RGS7BP: variants seen among roughly 807,000 people sequenced by gnomAD.
RGS7BP encodes regulator of G protein signaling 7 binding protein, also known as regulator of G protein signaling 7-binding protein.
Under a neutral mutation model 31.3 loss-of-function variants are expected in RGS7BP, and 9 were observed. That is an observed-to-expected ratio of 0.29 (90% confidence interval 0.17 to 0.50). RGS7BP has a LOEUF of 0.50. RGS7BP is among the 20% of genes least tolerant of loss of function. RGS7BP has a pLI of 0.98. For missense variants in RGS7BP, 274 were observed against 322.0 expected, an observed-to-expected ratio of 0.85 and a Z score of 1.14; for synonymous variants, 115 against 120.1, an observed-to-expected ratio of 0.96 and a Z score of 0.28.
intron 1 of RGS7BP, among the ~76,000 whole-genome samples, chr5:64,507,492 T>G (rs1343554567): frequency 6.6e-6 from 1 of 152,104 alleles, no homozygotes; most frequent in Non-Finnish European, 1.5e-5. Flanking sequence ...GAAATAGAGC[T>G]TCCATGGCCA....
chr5:64,554,508 G>A (rs935673464), intron 2 of RGS7BP, among the ~76,000 whole-genome samples: 3 of 152,152 alleles, frequency 2.0e-5, no homozygotes, highest in Non-Finnish European at 4.4e-5. Flanking sequence ...AAGAGGTAGG[G>A]AAAATGTACC....
intron 2 of RGS7BP, among the ~76,000 whole-genome samples, chr5:64,511,788 T>C (rs776163440): frequency 3.3e-5 from 5 of 152,220 alleles, no homozygotes; most frequent in Admixed American, 1.3e-4. Context: ...TCATCTTTTA[T>C]GACCTTGATG....
chr5:64,524,034 C>T (rs1045880730), intron 2 of RGS7BP, among the ~76,000 whole-genome samples: 3 of 152,036 alleles, frequency 2.0e-5, no homozygotes, highest in Non-Finnish European at 4.4e-5. Context: ...TAAGTGAGAC[C>T]CTAAGGGGAA....
At chr5:64,568,945 C>T (rs948078720) in intron 2 of RGS7BP, among the ~76,000 whole-genome samples, 3 of 151,664 alleles carry the variant, frequency 2.0e-5, no homozygotes, top group Non-Finnish European at 4.4e-5. Context: ...AAGCAAGGGA[C>T]GCAAGGGACA....
chr5:64,598,328 T>A, intron 4 of RGS7BP, 37 bp from the exon 5 acceptor site: 1 of 1,200,356 alleles, frequency 8.3e-7, no homozygotes, highest in African/African-American at 1.5e-5. Flanking sequence ...TTTGAAAATT[T>A]ACAGCTGATT....
At chr5:64,513,877 G>A (rs1748904389) in intron 2 of RGS7BP, among the ~76,000 whole-genome samples, 2 of 152,208 alleles carry the variant, frequency 1.3e-5, no homozygotes, top group Admixed American at 6.5e-5. Context: ...TAAAGATAAC[G>A]ATGGAAGAAC....
intron 5 of RGS7BP, among the ~76,000 whole-genome samples, chr5:64,603,039 A>G (rs1194260195): frequency 2.0e-5 from 3 of 152,182 alleles, no homozygotes; most frequent in African/African-American, 4.8e-5. Context: ...CTCTAGACAA[A>G]AGGCTTAAGA....
chr5:64,545,884 C>G lies in RGS7BP; in HGVS notation c.333-29890C>G, dbSNP rs115366476. On this transcript the variant is annotated intron_variant, in intron 2 of 5. Coordinates refer to ENST00000334025, the MANE Select transcript of RGS7BP (RefSeq NM_001029875.3). The stretch of plus-strand genomic sequence containing the variant: ...CTAATAGGCTGCTAGATAAATGGAT[C>G]TGGACCTTGGTAAAGTGCTCTGGGC... Among the ~76,000 whole-genome samples, 1,116 of 152,250 alleles carry G rather than the reference C, an allele frequency of 7.3e-3. 21 individuals are homozygous for G. Among genetic ancestry groups the G allele is most frequent in the African/African-American group, 0.026 (1,069 of 41,538 alleles).
rs551514946 is a variant in RGS7BP at position 64,515,839 on chromosome 5, T to C, written c.332+7962T>C. ...CTGATTTAGCAAATAATAATAATTA[T>C]TATTATTATTTATTTTTAGAGATGA... On this transcript the variant is annotated intron_variant, in intron 2 of 5. Transcript: ENST00000334025. Among the ~76,000 whole-genome samples the C allele has an allele frequency of 2.7e-5, 4 of 150,842 alleles. No homozygotes were observed. The East Asian group carries it at 7.8e-4, about 29-fold the overall frequency.
At chr5:64,545,232 G>A (rs1037978161) in intron 2 of RGS7BP, among the ~76,000 whole-genome samples, 1 of 151,864 alleles carries the variant, frequency 6.6e-6, no homozygotes, top group Non-Finnish European at 1.5e-5. Context: ...CATGGACACA[G>A]GAAGGGGAAC....
At chr5:64,582,681 A>G (rs1480245478) in intron 3 of RGS7BP, among the ~76,000 whole-genome samples, 1 of 152,248 alleles carries the variant, frequency 6.6e-6, no homozygotes, top group Non-Finnish European at 1.5e-5. Flanking sequence ...TTAAAAGTTG[A>G]AAAATCTTAA....
chr5:64,590,236 G>A (rs1742875721), intron 3 of RGS7BP, among the ~76,000 whole-genome samples: 1 of 147,900 alleles, frequency 6.8e-6, no homozygotes, highest in South Asian at 2.2e-4. Context: ...CACCAAGAGG[G>A]AGAGAGAGAG....
At chr5:64,565,527 AG>A (rs1742148727) in intron 2 of RGS7BP, among the ~76,000 whole-genome samples, 1 of 152,108 alleles carries the variant, frequency 6.6e-6, no homozygotes, top group Non-Finnish European at 1.5e-5. Context: ...AAAAAAAAGA[AG>A]GCTTCAGGAA....
At chr5:64,547,775 T>C (rs1004752005) in intron 2 of RGS7BP, among the ~76,000 whole-genome samples, 1 of 152,236 alleles carries the variant, frequency 6.6e-6, no homozygotes, top group East Asian at 1.9e-4. Flanking sequence ...TCTATTCCAA[T>C]TTACATTTTG....
chr5:64,506,720 T>A lies in RGS7BP; in HGVS notation c.96T>A (p.Asp32Glu), dbSNP rs758176246. 18 of 1,609,640 alleles carry A rather than the reference T, an allele frequency of 1.1e-5. No individual in the cohort carries two copies. The highest frequency in any genetic ancestry group is 1.4e-5 in the Non-Finnish European group (17 of 1,176,530). Reference sequence around the variant, plus strand: ...GCAAGCCCCCGCTGCAGAGCGGAGATTGGGAGCGCAGGGGCAGCGGCTCCG... The same window carrying A: ...GCAAGCCCCCGCTGCAGAGCGGAGAATGGGAGCGCAGGGGCAGCGGCTCCG... Reference protein sequence around the residue: ...QISKPPLQSGDWERRGSGSES... With the variant: ...QISKPPLQSGEWERRGSGSES... The change falls in exon 1 of 6, where the codon GAT becomes GAA. Residue 32 changes from aspartate to glutamate, a missense_variant. By Grantham distance (45) the Asp-to-Glu change is conservative. Around this residue, in one of 3 missense-constraint regions of RGS7BP, gnomAD observed 149 missense variants for 152.6 expected, o/e 0.98. Coordinates refer to ENST00000334025, the MANE Select transcript of RGS7BP (RefSeq NM_001029875.3). The surrounding 1 kb of genome is among the most constrained non-coding windows in gnomAD (Gnocchi z 4.6).
intron 2 of RGS7BP, among the ~76,000 whole-genome samples, chr5:64,532,742 CAT>C (rs1312341597): frequency 6.6e-6 from 1 of 152,108 alleles, no homozygotes; most frequent in Non-Finnish European, 1.5e-5. Context: ...CCCCACCTCT[CAT>C]ATTATTTGTG....
intron 3 of RGS7BP, 68 bp downstream of exon 3, chr5:64,575,972 T>G: frequency 7.0e-7 from 1 of 1,437,036 alleles, no homozygotes; most frequent in Non-Finnish European, 9.6e-7. Flanking sequence ...TGGCAAAGTG[T>G]CCGTATATAC....
chr5:64,550,768 C>A (rs552261228), intron 2 of RGS7BP, among the ~76,000 whole-genome samples: 2 of 137,600 alleles, frequency 1.5e-5, no homozygotes, highest in Non-Finnish European at 3.1e-5. Context: ...GTGTGATGTT[C>A]CCCTTCCTGT....
rs994651335 is a variant in RGS7BP at position 64,611,005 on chromosome 5, A to C, written c.*1753A>C. 1.3e-5 allele frequency: 2 copies of C among 151,896 alleles called. No homozygotes were observed. Among genetic ancestry groups the C allele is most frequent in the Non-Finnish European group, 1.5e-5 (1 of 67,908 alleles). The allele number at this position is 151,896 out of a possible 1,614,324, so 9.4% of individuals were successfully genotyped here. A position where few individuals can be genotyped will look rare whatever the true frequency, so the allele number is the denominator to read the frequency against. On this transcript the variant is annotated 3_prime_UTR_variant, in exon 6 of 6. Transcript: ENST00000334025. ...ATGGTTATAGGTATACCTGGCTTCAAAAAAAAGAAGTAGCCGTGGAAAGCT... is the reference window on the plus strand; with the variant it reads ...ATGGTTATAGGTATACCTGGCTTCACAAAAAAGAAGTAGCCGTGGAAAGCT...
Sources: gnomAD v4.1 joint callset for allele counts (sites outside exome capture counted in the v4.1 genomes callset) on GRCh38, gnomAD v4.1.1 for gene constraint, gnomAD v4.1.1 regional missense constraint, Gnocchi (gnomAD v3.1) non-coding constraint, MANE v1.5 for transcripts, NCBI Gene and HGNC (gene_info 2026-07-23, HGNC 2026-07-21) for gene names.